Variants in NDEL1 observed in about 807,000 individuals in gnomAD.
NDEL1 encodes the protein nuclear distribution protein nudE-like 1.
In NDEL1, 9 loss-of-function variants were observed where a neutral mutation model predicts 45.7. The observed-to-expected ratio is 0.20, with a 90% CI of 0.12 to 0.34. NDEL1 has a LOEUF of 0.34. Among genes scored for constraint, NDEL1 ranks in the 10% least tolerant of loss-of-function variants. NDEL1 has a pLI of 1.00. For missense variants in NDEL1, 306 were observed against 406.2 expected, an observed-to-expected ratio of 0.75 and a Z score of 2.12; for synonymous variants, 133 against 158.6, an observed-to-expected ratio of 0.84 and a Z score of 1.21.
intron 4 of NDEL1, among the ~76,000 whole-genome samples, chr17:8,447,131 GT>G (rs1910134163): frequency 6.6e-6 from 1 of 151,930 alleles, no homozygotes; most frequent in Non-Finnish European, 1.5e-5. Flanking sequence ...ATATACTGTG[GT>G]TGATCCTATT....
In NDEL1 at chr17:8,444,422, C is replaced by T. The variant is rs1292450837; in HGVS notation, c.86+65C>T. On this transcript the variant is annotated intron_variant, in intron 2 of 8. Transcript: ENST00000334527. ...TGGAATACACCGTGTCTTGTTTGTG[C>T]ATTTTTCTTTTTAACATAAAGCTAA... 4 of 1,098,908 alleles carry T rather than the reference C, an allele frequency of 3.6e-6. No individual in the cohort carries two copies. In the East Asian group the frequency reaches 9.5e-5, roughly 26 times the overall value. The allele number at this position is 1,098,908 out of a possible 1,614,324, so 68.1% of individuals were successfully genotyped here.
In NDEL1 at chr17:8,416,420, T is replaced by C. The variant is rs1045605200; in HGVS notation, c.-13+3151T>C. On this transcript the variant is annotated intron_variant, in intron 1 of 4. Transcript: ENST00000582812. ...GAAACAGTCCTTCATTCTATTCTTA[T>C]ACTTGTTGAAGGGTCTGGCTTGATT... Among the ~76,000 whole-genome samples, 4 of 152,248 alleles carry C rather than the reference T, an allele frequency of 2.6e-5. No individual in the cohort carries two copies. In the South Asian group the frequency reaches 6.2e-4, roughly 24 times the overall value.
intron 4 of NDEL1, among the ~76,000 whole-genome samples, chr17:8,447,379 G>T (rs1328401753): frequency 6.6e-6 from 1 of 152,248 alleles, no homozygotes; most frequent in Non-Finnish European, 1.5e-5. Flanking sequence ...CTGCCATCAA[G>T]TGATCTGCCC....
At position 8,473,666 on chromosome 17, in the gene NDEL1, G is replaced by A. The variant is rs1461664807; in HGVS notation, c.417+13506G>A. On this transcript the variant is annotated intron_variant, in intron 3 of 3. Coordinates refer to the NDEL1 transcript ENST00000581679. ...GCCCATTTCACACGTTTCTACTGCT[G>A]CCAAGAAGCCTAGTCATAGACCCCT... Among the ~76,000 whole-genome samples the A allele has an allele frequency of 2.6e-5, 4 of 152,172 alleles. No homozygotes were observed. In the East Asian group the frequency reaches 7.7e-4, roughly 29 times the overall value.
chr17:8,443,690 G>A (rs1909905580), intron 1 of NDEL1, among the ~76,000 whole-genome samples: 1 of 152,096 alleles, frequency 6.6e-6, no homozygotes, highest in South Asian at 2.1e-4. Flanking sequence ...CATTGAAGTT[G>A]GAGATTAGTG....
chr17:8,429,728 G>A (rs1908954309), intron 1 of NDEL1, among the ~76,000 whole-genome samples: 1 of 152,102 alleles, frequency 6.6e-6, no homozygotes, highest in African/African-American at 2.4e-5. Flanking sequence ...AGTTGCTTTG[G>A]GAAGGCCTTG....
At chr17:8,474,048 G>A (rs141454015) in intron 3 of NDEL1, among the ~76,000 whole-genome samples, 1 of 152,318 alleles carries the variant, frequency 6.6e-6, no homozygotes, top group Non-Finnish European at 1.5e-5. Context: ...ACAAGAGTTG[G>A]AGCCAGGACT....
chr17:8,452,098 G>A (rs1164992130), intron 6 of NDEL1, among the ~76,000 whole-genome samples: 1 of 152,140 alleles, frequency 6.6e-6, no homozygotes, highest in Non-Finnish European at 1.5e-5. Context: ...TACTAATTGC[G>A]CTAGGTTTAC....
chr17:8,469,633 TTTAAAA>T (rs1911784831), downstream of NDEL1, among the ~76,000 whole-genome samples: 1 of 152,064 alleles, frequency 6.6e-6, no homozygotes, highest in Non-Finnish European at 1.5e-5. Flanking sequence ...AGACTTTCAC[TTTAAAA>T]TTAAAAAAAT....
chr17:8,454,716 A>G lies in NDEL1; in HGVS notation c.701-80A>G, dbSNP rs975860838. 7.1e-6 allele frequency: 7 copies of G among 987,672 alleles called. No homozygotes were observed. In the African/African-American group the frequency reaches 1.1e-4, roughly 16 times the overall value. The allele number at this position is 987,672 out of a possible 1,614,324, so 61.2% of individuals were successfully genotyped here. On this transcript the variant is annotated intron_variant, in intron 6 of 8. Coordinates refer to ENST00000334527, the MANE Select transcript of NDEL1 (RefSeq NM_030808.5). ...TTGTTGATATTGTATTGAGTGTTAC[A>G]CTACTTTGTAACATCAACAACAAAA...
rs536248486 is a variant in NDEL1 at position 8,429,707 on chromosome 17, A to G, written c.-12-14553A>G. 2.0e-3 allele frequency among the ~76,000 whole-genome samples: 311 copies of G among 152,270 alleles called. 1 individual carries two copies. Among genetic ancestry groups the G allele is most frequent in the Non-Finnish European group, 3.9e-3 (267 of 68,014 alleles). ...GTGATCCATAGGATATAGACCGTAG[A>G]AGTGGGCTGGAGTTGCTTTGGGAAG... On this transcript the variant is annotated intron_variant, in intron 1 of 4. Coordinates refer to the NDEL1 transcript ENST00000582812.
At chr17:8,463,724 G>A (rs1342987789) in intron 8 of NDEL1, among the ~76,000 whole-genome samples, 3 of 152,244 alleles carry the variant, frequency 2.0e-5, no homozygotes, top group Non-Finnish European at 4.4e-5. Flanking sequence ...GGGTCTTCCC[G>A]TTACCCAGTT....
At chr17:8,437,877 C>T (rs192740366) in intron 1 of NDEL1, among the ~76,000 whole-genome samples, 59 of 138,858 alleles carry the variant, frequency 4.2e-4, no homozygotes, top group Middle Eastern at 4.0e-3. Context: ...TAATGCTTTA[C>T]GTAAAAATTG....
chr17:8,460,525 A>G (rs555488562), intron 8 of NDEL1, among the ~76,000 whole-genome samples: 1 of 152,326 alleles, frequency 6.6e-6, no homozygotes, highest in South Asian at 2.1e-4. Flanking sequence ...AATATATGCA[A>G]ACTCTACAAC....
intron 7 of NDEL1, among the ~76,000 whole-genome samples, chr17:8,456,624 G>C (rs1200576147): frequency 4.0e-5 from 6 of 151,028 alleles, no homozygotes; most frequent in Non-Finnish European, 8.8e-5. Context: ...TCAGCCTCCT[G>C]AGTAGCTGGG....
At chr17:8,422,784 T>C (rs1463362779) in intron 1 of NDEL1, among the ~76,000 whole-genome samples, 1 of 151,568 alleles carries the variant, frequency 6.6e-6, no homozygotes, top group Non-Finnish European at 1.5e-5. Context: ...TCACCCAGGC[T>C]GGAGTGCAAT....
chr17:8,445,966 T>C, intron 3 of NDEL1, 102 bp downstream of exon 3: 1 of 1,216,892 alleles, frequency 8.2e-7, no homozygotes, highest in East Asian at 2.9e-5. Context: ...AAAAAATAGT[T>C]TGAAAAAAAC....
chr17:8,415,993 C>A (rs1318009638), intron 1 of NDEL1, among the ~76,000 whole-genome samples: 2 of 152,202 alleles, frequency 1.3e-5, no homozygotes, highest in Non-Finnish European at 1.5e-5. Context: ...GTGATCCACC[C>A]GTCTCCGCCT....
intron 8 of NDEL1, chr17:8,466,633 A>T: frequency 5.7e-6 from 2 of 352,244 alleles, no homozygotes; most frequent in Non-Finnish European, 1.0e-5. Context: ...CTAGTTCCCT[A>T]TTGCCAGGCA....
Sources: gnomAD v4.1 joint callset for allele counts (sites outside exome capture counted in the v4.1 genomes callset) on GRCh38, gnomAD v4.1.1 for gene constraint, MANE v1.5 for transcripts, NCBI Gene and HGNC (gene_info 2026-07-23, HGNC 2026-07-21) for gene names.